The following ADGRB3 variants were observed in gnomAD, a reference collection of about 807,000 sequenced individuals.
ADGRB3 encodes the protein brain-specific angiogenesis inhibitor 3.
A neutral mutation model predicts 193.4 loss-of-function variants in ADGRB3; 37 were observed. The ratio of observed to expected loss-of-function variants is 0.19; its 90% CI spans 0.15 to 0.25. The LOEUF (loss-of-function observed/expected upper bound fraction) is 0.25. Among genes scored for constraint, ADGRB3 ranks in the 10% least tolerant of loss-of-function variants. The pLI, the probability that ADGRB3 is intolerant of heterozygous loss-of-function variation, is 1.00. For missense variants in ADGRB3, 1,637 were observed against 1,852.9 expected (o/e 0.88, Z 2.14); for synonymous variants, 690 against 644.2 (o/e 1.07, Z -1.08).
intron 6 of ADGRB3, among the ~76,000 whole-genome samples, chr6:68,948,623 T>A (rs1767836278): frequency 6.6e-6 from 1 of 152,098 alleles, no homozygotes; most frequent in South Asian, 2.1e-4. Flanking sequence ...TATAGTAATA[T>A]TTTCCCCTAG....
At chr6:68,650,203 C>A (rs77405601) in intron 3 of ADGRB3, among the ~76,000 whole-genome samples, 1 of 152,000 alleles carries the variant, frequency 6.6e-6, no homozygotes, top group Non-Finnish European at 1.5e-5. Context: ...TGCAGATGGG[C>A]GCACAGAGTA....
chr6:69,191,057 A>G (rs903393338), intron 17 of ADGRB3, among the ~76,000 whole-genome samples: 1 of 152,184 alleles, frequency 6.6e-6, no homozygotes, highest in Non-Finnish European at 1.5e-5. Context: ...CTGTATTTGT[A>G]TGGTGTTGTT....
intron 10 of ADGRB3, among the ~76,000 whole-genome samples, chr6:68,981,151 C>G (rs554254231): frequency 1.3e-5 from 2 of 151,494 alleles, no homozygotes; most frequent in African/African-American, 4.8e-5. Flanking sequence ...TACTCACTTA[C>G]GGAATTCAAA....
intron 3 of ADGRB3, 100 bp downstream of exon 3, chr6:68,639,532 A>C: frequency 7.4e-7 from 1 of 1,351,116 alleles, no homozygotes; most frequent in Non-Finnish European, 9.8e-7. Context: ...TTTATCCTTT[A>C]TTGTCACTTT....
chr6:69,111,119 C>A (rs1773354555), intron 17 of ADGRB3, among the ~76,000 whole-genome samples: 1 of 152,168 alleles, frequency 6.6e-6, no homozygotes, highest in African/African-American at 2.4e-5. Context: ...ACATTAGAAT[C>A]ATTTAGGGAC....
chr6:69,243,448 T>C (rs1200515878), intron 20 of ADGRB3, among the ~76,000 whole-genome samples: 1 of 151,868 alleles, frequency 6.6e-6, no homozygotes, highest in African/African-American at 2.4e-5. Context: ...TCAGAAATCC[T>C]CCTAATCCAA....
intron 13 of ADGRB3, among the ~76,000 whole-genome samples, chr6:69,042,566 C>G (rs1236517880): frequency 6.6e-6 from 1 of 152,160 alleles, no homozygotes; most frequent in Non-Finnish European, 1.5e-5. Flanking sequence ...CATGTAGATT[C>G]AGTTCAGTCC....
chr6:69,354,697 A>G (rs1156915428), intron 27 of ADGRB3, among the ~76,000 whole-genome samples: 1 of 152,230 alleles, frequency 6.6e-6, no homozygotes, highest in Non-Finnish European at 1.5e-5. Flanking sequence ...TTAGTGAAAC[A>G]TTGGAATCAT....
intron 10 of ADGRB3, among the ~76,000 whole-genome samples, chr6:68,988,552 A>G (rs1769142959): frequency 6.6e-6 from 1 of 152,172 alleles, no homozygotes; most frequent in Non-Finnish European, 1.5e-5. Context: ...TATAGGAAGT[A>G]TATATTTTCA....
chr6:68,824,559 T>G (rs1349060180), intron 3 of ADGRB3, among the ~76,000 whole-genome samples: 2 of 148,364 alleles, frequency 1.3e-5, no homozygotes, highest in African/African-American at 4.9e-5. Flanking sequence ...ACATATAATA[T>G]AGCACAATAT....
At chr6:69,104,450 G>T (rs1773154230) in intron 17 of ADGRB3, among the ~76,000 whole-genome samples, 1 of 151,668 alleles carries the variant, frequency 6.6e-6, no homozygotes, top group Non-Finnish European at 1.5e-5. Flanking sequence ...TGGACATTTG[G>T]GTTGGTTCCA....
chr6:69,069,587 C>G (rs1367513276), intron 16 of ADGRB3, among the ~76,000 whole-genome samples: 1 of 79,622 alleles, frequency 1.3e-5, no homozygotes, highest in Non-Finnish European at 2.6e-5. Context: ...AAAAATTATC[C>G]GGACGCAGTG....
At chr6:68,777,829 T>C (rs1433656399) in intron 3 of ADGRB3, among the ~76,000 whole-genome samples, 1 of 152,016 alleles carries the variant, frequency 6.6e-6, no homozygotes, top group East Asian at 1.9e-4. Context: ...GTACACAGGG[T>C]CTGCCACAAA....
In ADGRB3 at chr6:69,344,514, G is replaced by C. The variant is rs145377584; in HGVS notation, c.3459+5010G>C. The stretch of plus-strand genomic sequence containing the variant: ...GTAAAAAAGACAAGCATCCTTACCT[G>C]TCTAATCTAAAACCAGTAATATTCC... On this transcript the variant is annotated intron_variant, in intron 26 of 31. Transcript: ENST00000370598. 1.3e-3 allele frequency among the ~76,000 whole-genome samples: 191 copies of C among 152,202 alleles called. 2 individuals are homozygous for C. Among genetic ancestry groups the C allele is most frequent in the African/African-American group, 4.4e-3 (184 of 41,538 alleles).
chr6:68,759,020 G>T (rs1435461169), intron 3 of ADGRB3, among the ~76,000 whole-genome samples: 1 of 152,106 alleles, frequency 6.6e-6, no homozygotes, highest in Non-Finnish European at 1.5e-5. Flanking sequence ...CGAAATGGTA[G>T]GCCATGAACT....
chr6:69,271,683 CTCTT>C lies in ADGRB3; in HGVS notation c.2814+32459_2814+32462del, dbSNP rs539019405. ...AAATGTAAACATACTTAGTATCTCT[CTCTT>C]TGTCTCTTTCTCCCTCTCTGTATCT... On this transcript the variant is annotated intron_variant, in intron 20 of 31. Transcript: ENST00000370598. 9.9e-5 allele frequency among the ~76,000 whole-genome samples: 15 copies of C among 152,204 alleles called. 1 individual carries two copies. In the South Asian group the frequency reaches 2.5e-3, roughly 25 times the overall value.
chr6:69,332,154 C>T lies in ADGRB3; in HGVS notation c.3103-769C>T, dbSNP rs370554717. The stretch of plus-strand genomic sequence containing the variant: ...TTGGTAGATTAGAGAACTGTCGGGG[C>T]TCATCATAAGCTGGTACAAATAGAC... On this transcript the variant is annotated intron_variant, in intron 23 of 31. Transcript: ENST00000370598. 1.5e-4 allele frequency: 152 copies of T among 985,374 alleles called. 1 individual carries two copies. The East Asian group carries it at 0.012, about 78-fold the overall frequency. 61.0% of individuals were successfully genotyped at this position (985,374 alleles called of 1,614,324 possible).
At chr6:69,388,628 C>T in intron 31 of ADGRB3, 75 bp from the exon 32 acceptor site, 2 of 1,383,908 alleles carry the variant, frequency 1.4e-6, no homozygotes, top group South Asian at 1.4e-5. Context: ...CAAACACGCT[C>T]TCTTCCTGGA....
intron 17 of ADGRB3, among the ~76,000 whole-genome samples, chr6:69,088,574 A>T (rs1420062506): frequency 1.3e-5 from 2 of 152,180 alleles, no homozygotes; most frequent in East Asian, 3.9e-4. Flanking sequence ...GGATTTCACC[A>T]TGTTGGCCAG....
Sources: gnomAD v4.1 joint callset for allele counts (sites outside exome capture counted in the v4.1 genomes callset) on GRCh38, gnomAD v4.1.1 for gene constraint, MANE v1.5 for transcripts, NCBI Gene and HGNC (gene_info 2026-07-23, HGNC 2026-07-21) for gene names.